The following CLRN3 variants were observed in gnomAD, a reference collection of about 807,000 sequenced individuals.
The protein encoded by CLRN3 is clarin-3.
CLRN3 carries 12 observed loss-of-function variants against 16.7 expected under a neutral mutation model. That is an observed-to-expected ratio of 0.72 (90% CI 0.46 to 1.16). CLRN3 has a LOEUF of 1.16. CLRN3 is among the 50% of genes most tolerant of loss of function. The pLI is 0.00. For missense variants in CLRN3, 296 were observed against 274.2 expected, an observed-to-expected ratio of 1.08 and a Z score of -0.56; for synonymous variants, 118 against 113.0, an observed-to-expected ratio of 1.04 and a Z score of -0.28.
intron 1 of CLRN3, among the ~76,000 whole-genome samples, chr10:127,890,105 G>A (rs1188326513): frequency 6.6e-6 from 1 of 152,238 alleles, no homozygotes; most frequent in Admixed American, 6.5e-5. Flanking sequence ...TGAATGGTGA[G>A]CCCTCCAAGG....
In CLRN3 at chr10:127,878,309, G is replaced by T. The variant is rs181179405; in HGVS notation, c.521C>A (p.Thr174Asn). ...LYPATTSKGT[T>N]HSYGYSFWLI... ...CCAGAACGAGTATCCGTAACTGTGG[G>T]TCGTTCCTTTACTGGTGGTTGCCGG... Residue 174 changes from threonine (T) to asparagine (N), a missense_variant, in exon 3 of 3, where the codon ACC (threonine) becomes AAC (asparagine). Physicochemically the swap from Thr to Asn is moderately conservative, Grantham distance 65. Coordinates refer to ENST00000368671, the MANE Select transcript of CLRN3 (RefSeq NM_152311.5). The T allele has an allele frequency of 6.2e-7, 1 of 1,614,216 alleles. No homozygotes were observed. Among genetic ancestry groups the T allele is most frequent in the Non-Finnish European group, 8.5e-7 (1 of 1,180,044 alleles).
At chr10:127,883,021 C>A (rs1033022400) in intron 2 of CLRN3, among the ~76,000 whole-genome samples, 7 of 152,210 alleles carry the variant, frequency 4.6e-5, no homozygotes, top group Admixed American at 2.6e-4. Context: ...AAAGCTGGGA[C>A]CCGCTTCCCA....
At chr10:127,892,276 T>A (rs1845265825) in intron 1 of CLRN3, among the ~76,000 whole-genome samples, 1 of 152,254 alleles carries the variant, frequency 6.6e-6, no homozygotes, top group South Asian at 2.1e-4. Context: ...TGCTGCCACA[T>A]ATTTTTACTT....
rs532166455 is a variant in CLRN3 at position 127,879,239 on chromosome 10, G to A, written c.410-819C>T. 3.9e-5 allele frequency among the ~76,000 whole-genome samples: 6 copies of A among 152,170 alleles called. No individual in the cohort carries two copies. The South Asian group carries it at 1.2e-3, about 32-fold the overall frequency. On this transcript the variant is annotated intron_variant, in intron 2 of 2. Coordinates refer to ENST00000368671, the MANE Select transcript of CLRN3 (RefSeq NM_152311.5). ...TCCTACCACCTCAGCCTCCTGACTA[G>A]CTGAGACTACAGGTATATGCCACCA...
intron 1 of CLRN3, among the ~76,000 whole-genome samples, chr10:127,884,529 G>A (rs112215898): frequency 0.019 from 2,941 of 152,342 alleles, 50 homozygotes; most frequent in African/African-American, 0.039. Flanking sequence ...GGGCTCCAAC[G>A]CTGGAGGCGG....
chr10:127,890,466 C>T (rs1378488421), intron 1 of CLRN3, among the ~76,000 whole-genome samples: 2 of 152,154 alleles, frequency 1.3e-5, no homozygotes, highest in Non-Finnish European at 1.5e-5. Context: ...TTCAAATCTA[C>T]AGTCAAAATT....
intron 1 of CLRN3, among the ~76,000 whole-genome samples, chr10:127,888,669 A>T (rs945527482): frequency 2.0e-5 from 3 of 152,190 alleles, no homozygotes; most frequent in Admixed American, 6.5e-5. Context: ...CGCCAGCTGC[A>T]GTGAATCCTG....
At chr10:127,887,879 C>T (rs1210664966) in intron 1 of CLRN3, among the ~76,000 whole-genome samples, 1 of 152,196 alleles carries the variant, frequency 6.6e-6, no homozygotes, top group Non-Finnish European at 1.5e-5. Flanking sequence ...ACAATTGGCG[C>T]TAATTGCCCC....
chr10:127,881,249 C>T lies in CLRN3; in HGVS notation c.409+2447G>A, dbSNP rs181827353. 9.8e-5 allele frequency among the ~76,000 whole-genome samples: 15 copies of T among 152,372 alleles called. No homozygotes were observed. The East Asian group carries it at 1.5e-3, about 16-fold the overall frequency. Reference sequence around the variant, plus strand: ...GAAAGGAAGGTGGCAGGAATTCCCTCTCCGTCCAACAATTCTTTGTGGATA... The same window carrying T: ...GAAAGGAAGGTGGCAGGAATTCCCTTTCCGTCCAACAATTCTTTGTGGATA... On this transcript the variant is annotated intron_variant, in intron 2 of 2. Coordinates refer to ENST00000368671, the MANE Select transcript of CLRN3 (RefSeq NM_152311.5).
intron 1 of CLRN3, among the ~76,000 whole-genome samples, chr10:127,885,718 C>T (rs1845185633): frequency 6.6e-6 from 1 of 152,144 alleles, no homozygotes; most frequent in African/African-American, 2.4e-5. Flanking sequence ...GTAGCTGGAA[C>T]TACAGGATGT....
At chr10:127,887,734 A>C (rs1367334384) in intron 1 of CLRN3, among the ~76,000 whole-genome samples, 3 of 152,238 alleles carry the variant, frequency 2.0e-5, no homozygotes, top group Non-Finnish European at 2.9e-5. Flanking sequence ...AAATTCAGGG[A>C]AAGTTACCAA....
chr10:127,883,665 G>A (rs1845156747), intron 2 of CLRN3, 31 bp downstream of exon 2: 2 of 1,522,644 alleles, frequency 1.3e-6, no homozygotes, highest in Non-Finnish European at 1.8e-6. Flanking sequence ...GCAGTTTTCT[G>A]CAGAGCACCG....
intron 1 of CLRN3, among the ~76,000 whole-genome samples, chr10:127,888,030 G>A (rs1242607082): frequency 1.3e-5 from 2 of 152,226 alleles, no homozygotes; most frequent in Non-Finnish European, 1.5e-5. Flanking sequence ...TCCCCATGCA[G>A]GAAAATGTAA....
intron 1 of CLRN3, among the ~76,000 whole-genome samples, chr10:127,887,873 T>G (rs1014227423): frequency 6.6e-6 from 1 of 152,198 alleles, no homozygotes; most frequent in African/African-American, 2.4e-5. Context: ...CACCTCACAA[T>G]TGGCGCTAAT....
chr10:127,886,255 A>G (rs890754839), intron 1 of CLRN3, among the ~76,000 whole-genome samples: 2 of 152,166 alleles, frequency 1.3e-5, no homozygotes, highest in East Asian at 1.9e-4. Flanking sequence ...TCCATTTTTG[A>G]ACCTCTTAAT....
At chr10:127,885,733 C>T (rs1382438140) in intron 1 of CLRN3, among the ~76,000 whole-genome samples, 1 of 152,136 alleles carries the variant, frequency 6.6e-6, no homozygotes, top group East Asian at 1.9e-4. Context: ...GGATGTGCCA[C>T]CACGACCACG....
Position 127,883,783 on chromosome 10 carries a change from A to T in CLRN3, c.322T>A (p.Ser108Thr). The change falls in exon 2 of 3, where the codon TCT becomes ACT. Residue 108 changes from serine (S) to threonine (T), a missense_variant. By Grantham distance (58) the Ser-to-Thr change is moderately conservative. Transcript: ENST00000368671. ...ATGCTGTTGTAGAAGGTAAACCCAG[A>T]GCTCAGCAGCGACGTGATCAAACTC... ...VLSLITSLLS[S>T]GFTFYNSISN... The T allele has an allele frequency of 6.2e-7, 1 of 1,614,080 alleles. No individual in the cohort carries two copies. The highest frequency in any genetic ancestry group is 8.5e-7 in the Non-Finnish European group (1 of 1,179,910).
chr10:127,883,084 G>GC (rs1845148385), intron 2 of CLRN3, among the ~76,000 whole-genome samples: 2 of 152,114 alleles, frequency 1.3e-5, no homozygotes. Flanking sequence ...AAATAACCAA[G>GC]CAACACCACC....
intron 1 of CLRN3, among the ~76,000 whole-genome samples, chr10:127,892,005 A>G (rs562760336): frequency 6.6e-6 from 1 of 152,298 alleles, no homozygotes; most frequent in East Asian, 1.9e-4. Flanking sequence ...ATCAGAAAAA[A>G]AAATGTTTAG....
Sources: gnomAD v4.1 joint callset for allele counts (sites outside exome capture counted in the v4.1 genomes callset) on GRCh38, gnomAD v4.1.1 for gene constraint, MANE v1.5 for transcripts, NCBI Gene and HGNC (gene_info 2026-07-23, HGNC 2026-07-21) for gene names.